The following SLC6A12 variants were observed in gnomAD, a reference collection of about 807,000 sequenced individuals.
SLC6A12 encodes sodium- and chloride-dependent betaine transporter.
SLC6A12 carries 50 observed loss-of-function variants against 73.3 expected under a neutral mutation model. The ratio of observed to expected loss-of-function variants is 0.68; its 90% confidence interval spans 0.54 to 0.86. SLC6A12 has a LOEUF of 0.86. SLC6A12 is among the 40% of genes least tolerant of loss of function. The pLI is 0.00. For missense variants in SLC6A12, 648 were observed against 772.8 expected (o/e 0.84, Z 1.92); for synonymous variants, 304 against 309.2 (o/e 0.98, Z 0.18).
intron 13 of SLC6A12, among the ~76,000 whole-genome samples, chr12:194,306 G>C (rs564919291): frequency 5.9e-5 from 9 of 152,256 alleles, no homozygotes; most frequent in Non-Finnish European, 1.3e-4. Flanking sequence ...CGTCTCCATG[G>C]AGAGGAAAGG....
chr12:187,694 C>G (rs528998835), downstream of SLC6A12, among the ~76,000 whole-genome samples: 7 of 148,978 alleles, frequency 4.7e-5, no homozygotes, highest in South Asian at 1.5e-3. Context: ...ACTAGGGCCT[C>G]CGGCAGCCTG....
Position 198,929 on chromosome 12 carries a change from C to A in SLC6A12, c.714G>T (p.Val238=). ...ACGGAAACGTGGCTGTGAAATAAACCACCTGGAGGTGGGGGGACAGGCCAA... is the reference window on the plus strand; with the variant it reads ...ACGGAAACGTGGCTGTGAAATAAACAACCTGGAGGTGGGGGGACAGGCCAA... The part of the protein sequence containing the change: ...IWKGVKSTGK[V]VYFTATFPYL... Residue 238 remains valine (V), a splice_region_variant and synonymous_variant, in exon 8 of 16, where the codon GTG becomes GTT. Coordinates refer to ENST00000684302, the MANE Select transcript of SLC6A12 (RefSeq NM_001122848.3). The surrounding 1 kb of genome is among the most constrained non-coding windows in gnomAD (Gnocchi z 4.0). 6.2e-7 allele frequency: 1 copy of A among 1,614,116 alleles called. No individual in the cohort carries two copies. The highest frequency in any genetic ancestry group is 8.5e-7 in the Non-Finnish European group (1 of 1,179,976).
In SLC6A12 at chr12:212,230, C is replaced by A. The variant is rs900165391; in HGVS notation, c.-142-120G>T. 3 of 152,352 alleles carry A rather than the reference C, an allele frequency of 2.0e-5. No individual in the cohort carries two copies. The East Asian group carries it at 5.8e-4, about 29-fold the overall frequency. The allele number at this position is 152,352 out of a possible 1,614,324, so 9.4% of individuals were successfully genotyped here. A position where few individuals can be genotyped will look rare whatever the true frequency, so the allele number is the denominator to read the frequency against. ...ACTCGCGGGCCATAGCGTTGCTAAT[C>A]CCAGGGCGAGCCCCAAGCACAAGGG... is the stretch of plus-strand genomic sequence containing the variant. On this transcript the variant is annotated intron_variant, in intron 1 of 15. Transcript: ENST00000684302.
chr12:209,485 A>G (rs1184732692), intron 3 of SLC6A12, among the ~76,000 whole-genome samples: 1 of 152,206 alleles, frequency 6.6e-6, no homozygotes, highest in Admixed American at 6.5e-5. Context: ...AATTCTATCA[A>G]TGATTGACCT....
rs1591787022 is a variant in SLC6A12 at position 197,562 on chromosome 12, T to G, written c.951-61A>C. 6 of 1,538,886 alleles carry G rather than the reference T, an allele frequency of 3.9e-6. No homozygotes were observed. In the East Asian group the frequency reaches 1.4e-4, roughly 36 times the overall value. ...AGGAAAAGAGAGGAAGAGAGAGAGA[T>G]CAGTCATGGGAGGAGAGGTCAAAAG... On this transcript the variant is annotated intron_variant, in intron 9 of 15. Coordinates refer to ENST00000684302, the MANE Select transcript of SLC6A12 (RefSeq NM_001122848.3).
At chr12:200,221 G>A (rs1394415607) in intron 7 of SLC6A12, among the ~76,000 whole-genome samples, 1 of 146,606 alleles carries the variant, frequency 6.8e-6, no homozygotes, top group Non-Finnish European at 1.5e-5. Flanking sequence ...CCATTCTCCT[G>A]CCTCAGCCTC....
At chr12:191,458 A>G (rs1005928693) in intron 15 of SLC6A12, among the ~76,000 whole-genome samples, 15 of 152,232 alleles carry the variant, frequency 9.9e-5, no homozygotes, top group African/African-American at 3.6e-4. Flanking sequence ...AAGGCTGCTC[A>G]CTTAACCCCT....
chr12:187,686 T>C (rs1284290483), downstream of SLC6A12, among the ~76,000 whole-genome samples: 18 of 145,112 alleles, frequency 1.2e-4, 1 homozygote, highest in Middle Eastern at 3.7e-3. Context: ...GGGTTACCAC[T>C]AGGGCCTCCG....
In SLC6A12 at chr12:192,505, G is replaced by C; in HGVS notation, c.1674C>G (p.Leu558=). 2 of 1,614,108 alleles carry C rather than the reference G, an allele frequency of 1.2e-6. No individual in the cohort carries two copies. Among genetic ancestry groups the C allele is most frequent in the Non-Finnish European group, 1.7e-6 (2 of 1,180,018 alleles). The change falls in exon 15 of 16, where the codon CTC becomes CTG. Residue 558 remains leucine, a synonymous_variant. Coordinates refer to ENST00000684302, the MANE Select transcript of SLC6A12 (RefSeq NM_001122848.3). ...TCCTGAAAGGACCCCGAGTCTTCAG[G>C]AGGGTGATGACGACGAAGAGTGGGA... ...VCVPLFVVIT[L]LKTRGPFRKR...
intron 6 of SLC6A12, among the ~76,000 whole-genome samples, chr12:201,015 A>G (rs1490202250): frequency 2.0e-5 from 3 of 152,122 alleles, no homozygotes; most frequent in African/African-American, 7.2e-5. Flanking sequence ...TCTCGTACAG[A>G]AAGATGGAGA....
intron 7 of SLC6A12, 82 bp from the exon 8 acceptor site, chr12:199,013 C>G: frequency 6.9e-7 from 1 of 1,442,216 alleles, no homozygotes. Flanking sequence ...CAGCTCGAGT[C>G]ACACGGAGCT....
chr12:193,236 GGGGGCAGGAAGGAATAGA>G (rs1939695981), intron 14 of SLC6A12, 23 bp downstream of exon 14: 1 of 1,404,058 alleles, frequency 7.1e-7, no homozygotes, highest in Non-Finnish European at 1.0e-6. Flanking sequence ...GGAGTCTTCT[GGGGGCAGGAAGGAATAGA>G]GGGGCAGCTG....
At chr12:208,211 C>T (rs1044208434) in intron 3 of SLC6A12, among the ~76,000 whole-genome samples, 2 of 152,100 alleles carry the variant, frequency 1.3e-5, no homozygotes, top group African/African-American at 2.4e-5. Flanking sequence ...GAGATGGTGG[C>T]CCTGGATGAA....
downstream of SLC6A12, among the ~76,000 whole-genome samples, chr12:185,181 G>A (rs574684078): frequency 6.6e-5 from 10 of 152,244 alleles, no homozygotes; most frequent in Non-Finnish European, 8.8e-5. Flanking sequence ...AAAAGGCTGA[G>A]GCTGGACAGT....
At chr12:205,413 C>T (rs1234040741) in intron 3 of SLC6A12, among the ~76,000 whole-genome samples, 1 of 152,236 alleles carries the variant, frequency 6.6e-6, no homozygotes, top group Admixed American at 6.5e-5. Context: ...GTGCCTACTT[C>T]ATGTCAGGCA....
Position 209,952 on chromosome 12 carries a change from G to A in SLC6A12, c.35C>T (p.Pro12Leu). 5 of 1,614,186 alleles carry A rather than the reference G, an allele frequency of 3.1e-6. No individual in the cohort carries two copies. Among genetic ancestry groups the A allele is most frequent in the Non-Finnish European group, 4.2e-6 (5 of 1,180,016 alleles). Reference protein sequence around the residue: ...DGKVAVQECGPPAVSWVPEEG... With the variant: ...DGKVAVQECGLPAVSWVPEEG... ...CTCGGGGACCCAGGAGACTGCAGGAGGCCCACACTCTTGCACTGCCACCTT... is the reference window on the plus strand; with the variant it reads ...CTCGGGGACCCAGGAGACTGCAGGAAGCCCACACTCTTGCACTGCCACCTT... Residue 12 changes from proline to leucine, a missense_variant, in exon 3 of 16, where the codon CCT becomes CTT. Physicochemically the swap from Pro to Leu is moderately conservative, Grantham distance 98. Transcript: ENST00000684302.
rs1297259456 is a variant in SLC6A12, at chr12:195,220, C to G, written c.1429+5G>C. 1 of 1,580,258 alleles carries G rather than the reference C, an allele frequency of 6.3e-7. No homozygotes were observed. On this transcript the variant is annotated splice_donor_5th_base_variant and intron_variant, in intron 13 of 15. Coordinates refer to ENST00000684302, the MANE Select transcript of SLC6A12 (RefSeq NM_001122848.3). Reference sequence around the variant, plus strand: ...TGCTTTCCCACCCCACTCCACCCCACTCACCATACACCCAGCTTATGCAGA... The same window carrying G: ...TGCTTTCCCACCCCACTCCACCCCAGTCACCATACACCCAGCTTATGCAGA...
At position 198,943 on chromosome 12, in the gene SLC6A12, G is replaced by C. The variant is rs1193261315; in HGVS notation, c.712-12C>G. 1.2e-6 allele frequency: 2 copies of C among 1,613,752 alleles called. No homozygotes were observed. Among genetic ancestry groups the C allele is most frequent in the Admixed American group, 1.7e-5 (1 of 60,004 alleles). ...GTGAAATAAACCACCTGGAGGTGGG[G>C]GGACAGGCCAAGGTCACTCCTGGTG... On this transcript the variant is annotated splice_polypyrimidine_tract_variant and intron_variant, in intron 7 of 15. Transcript: ENST00000684302. This position sits in a 1 kb window ranked among gnomAD's most constrained non-coding sequence, Gnocchi z 4.0.
In SLC6A12 at chr12:191,115, G is replaced by C. The variant is rs769880097; in HGVS notation, c.1798C>G (p.Pro600Ala). 1 of 1,356,266 alleles carries C rather than the reference G, an allele frequency of 7.4e-7. No homozygotes were observed. The highest frequency in any genetic ancestry group is 1.5e-5 in the African/African-American group (1 of 67,506). 84.0% of individuals were successfully genotyped at this position (1,356,266 alleles called of 1,614,324 possible). Reference protein sequence around the residue: ...GSAGRNFGPSPTREGLIAGEK... With the variant: ...GSAGRNFGPSATREGLIAGEK... ...CCGGCTATCAGTCCTTCCCTTGTTG[G>C]GGAGGGCCCAAAGTTCCGGCCAGCA... The change falls in exon 16 of 16, where the codon CCA becomes GCA. Residue 600 changes from proline (P) to alanine (A), a missense_variant. By Grantham distance (27) the Pro-to-Ala change is conservative. Coordinates refer to ENST00000684302, the MANE Select transcript of SLC6A12 (RefSeq NM_001122848.3).
Sources: allele counts gnomAD v4.1 joint callset (sites outside exome capture counted in the v4.1 genomes callset), GRCh38; gene constraint gnomAD v4.1.1; non-coding constraint Gnocchi (gnomAD v3.1); transcripts MANE v1.5; gene names NCBI Gene and HGNC (gene_info 2026-07-23, HGNC 2026-07-21).